FLYWCH1: variants seen among roughly 807,000 people sequenced by gnomAD.
FLYWCH1 encodes FLYWCH-type zinc finger-containing protein 1.
In FLYWCH1, 75 loss-of-function variants were observed where a neutral mutation model predicts 66.4. The ratio of observed to expected loss-of-function variants is 1.13; its 90% CI spans 0.94 to 1.37. FLYWCH1 has a LOEUF of 1.37. Among genes scored for constraint, FLYWCH1 ranks in the 40% most tolerant of loss-of-function variants. The pLI is 0.00. For synonymous variants in FLYWCH1, 595 were observed against 429.9 expected (o/e 1.38, Z -4.75); for missense variants, 1,334 against 1,001.8 (o/e 1.33, Z -4.48).
chr16:2,938,567 C>T, intron 8 of FLYWCH1, 111 bp downstream of exon 8: 1 of 830,844 alleles, frequency 1.2e-6, no homozygotes, highest in South Asian at 2.7e-5. Flanking sequence ...TTTGTGCACA[C>T]ACAAATTATT....
At position 2,948,793 on chromosome 16, in the gene FLYWCH1, C is replaced by A; in HGVS notation, c.*66C>A. The A allele has an allele frequency of 7.0e-7, 1 of 1,431,594 alleles. No individual in the cohort carries two copies. Among genetic ancestry groups the A allele is most frequent in the Non-Finnish European group, 9.8e-7 (1 of 1,016,218 alleles). 88.7% of individuals were successfully genotyped at this position (1,431,594 alleles called of 1,614,324 possible). On this transcript the variant is annotated 3_prime_UTR_variant, in exon 10 of 10. Coordinates refer to ENST00000253928, the MANE Select transcript of FLYWCH1 (RefSeq NM_001308068.2). ...TGGCTTCACATCCACACAGGCACTT[C>A]CCATCCACCTAGGTTTGGCTTAGCA...
At chr16:2,940,125 C>G (rs756158518) in intron 9 of FLYWCH1, 33 bp downstream of exon 9, 2 of 981,370 alleles carry the variant, frequency 2.0e-6, no homozygotes, top group South Asian at 2.7e-5. Context: ...GGTGCATGAC[C>G]AATTACAACA....
At chr16:2,929,231 G>A (rs1052351494) in intron 2 of FLYWCH1, among the ~76,000 whole-genome samples, 10 of 152,120 alleles carry the variant, frequency 6.6e-5, no homozygotes, top group African/African-American at 1.7e-4. Context: ...CACTATCCTC[G>A]TCTATAACTG....
intron 2 of FLYWCH1, among the ~76,000 whole-genome samples, chr16:2,915,987 C>G (rs964770152): frequency 2.0e-5 from 3 of 152,076 alleles, no homozygotes; most frequent in South Asian, 2.1e-4. Context: ...AGTACTGATT[C>G]ACCAGATAAG....
chr16:2,927,206 T>C (rs2070599390), intron 2 of FLYWCH1, among the ~76,000 whole-genome samples: 1 of 152,130 alleles, frequency 6.6e-6, no homozygotes, highest in Non-Finnish European at 1.5e-5. Flanking sequence ...AGCCGCCCAC[T>C]ATGAGACTTA....
chr16:2,947,500 C>G (rs906546266), intron 9 of FLYWCH1, among the ~76,000 whole-genome samples: 3 of 152,186 alleles, frequency 2.0e-5, no homozygotes, highest in Non-Finnish European at 4.4e-5. Context: ...GTGGCTCACG[C>G]CAGTCATGCC....
intron 9 of FLYWCH1, among the ~76,000 whole-genome samples, chr16:2,941,570 AT>A (rs1347425378): frequency 3.3e-5 from 5 of 151,154 alleles, no homozygotes; most frequent in East Asian, 2.0e-4. Flanking sequence ...ACAGAGCAAG[AT>A]CCCATCTCTA....
chr16:2,941,946 G>A (rs28862608), intron 9 of FLYWCH1, among the ~76,000 whole-genome samples: 34,873 of 128,474 alleles, frequency 0.27, 5,560 homozygotes, highest in East Asian at 0.47. Context: ...GCAGTGAGTC[G>A]AGATTGCGCC....
At chr16:2,925,822 C>T (rs889158296) in intron 2 of FLYWCH1, among the ~76,000 whole-genome samples, 2 of 152,116 alleles carry the variant, frequency 1.3e-5, no homozygotes, top group Non-Finnish European at 2.9e-5. Context: ...AGTTAAGGAG[C>T]CGCTCCCCTC....
chr16:2,930,783 G>A lies in FLYWCH1; in HGVS notation c.699G>A (p.Gly233=). The change falls in exon 4 of 10, where the codon GGG becomes GGA. Residue 233 remains glycine, a synonymous_variant. Coordinates refer to ENST00000253928, the MANE Select transcript of FLYWCH1 (RefSeq NM_001308068.2). ...CTGAGGAGCCCGAGCCCACTCCTGG[G>A]CTGGTGCTGAGCAAGCCGGCCCTGG... is the stretch of plus-strand genomic sequence containing the variant. The part of the protein sequence containing the change: ...QCPEEPEPTP[G]LVLSKPALEE... 6.3e-7 allele frequency: 1 copy of A among 1,590,642 alleles called. No individual in the cohort carries two copies. Among genetic ancestry groups the A allele is most frequent in the Non-Finnish European group, 8.5e-7 (1 of 1,173,320 alleles).
intron 4 of FLYWCH1, 90 bp from the exon 5 acceptor site, chr16:2,933,040 G>T: frequency 8.7e-7 from 1 of 1,151,832 alleles, no homozygotes; most frequent in African/African-American, 1.6e-5. Flanking sequence ...AAGGAGAAAG[G>T]CTCGTGTCAG....
chr16:2,916,216 G>A (rs142751960), intron 2 of FLYWCH1, among the ~76,000 whole-genome samples: 19 of 152,220 alleles, frequency 1.2e-4, no homozygotes, highest in Middle Eastern at 3.4e-3. Context: ...GTGTTGGTGC[G>A]TGCCTGTAAT....
chr16:2,930,946 C>A, intron 4 of FLYWCH1, 66 bp downstream of exon 4: 1 of 1,264,794 alleles, frequency 7.9e-7, no homozygotes, highest in Non-Finnish European at 1.1e-6. Flanking sequence ...CTTCCTCAGC[C>A]CAAATAGAAA....
Position 2,933,454 on chromosome 16 carries a change from A to C in FLYWCH1, c.1121A>C (p.Tyr374Ser). The C allele has an allele frequency of 6.2e-7, 1 of 1,601,546 alleles. No homozygotes were observed. Among genetic ancestry groups the C allele is most frequent in the Non-Finnish European group, 8.5e-7 (1 of 1,174,948 alleles). The part of the protein sequence containing the change: ...TLLRGVDSLL[Y>S]RRGPGPLTLT... Reference sequence around the variant, plus strand: ...CTCCGAGGCGTGGATAGTTTGCTCTACCGCAGGGGTCCGGGTCCCCTGACT... The same window carrying C: ...CTCCGAGGCGTGGATAGTTTGCTCTCCCGCAGGGGTCCGGGTCCCCTGACT... The change falls in exon 5 of 10, where the codon TAC becomes TCC. Residue 374 changes from tyrosine (Y) to serine (S), a missense_variant. By Grantham distance (144) the Tyr-to-Ser change is moderately radical (BLOSUM62 -2). Coordinates refer to ENST00000253928, the MANE Select transcript of FLYWCH1 (RefSeq NM_001308068.2).
chr16:2,933,033 G>T, intron 4 of FLYWCH1, 97 bp from the exon 5 acceptor site: 1 of 1,091,002 alleles, frequency 9.2e-7, no homozygotes, highest in South Asian at 1.6e-5. Context: ...AGCCTTAAAG[G>T]AGAAAGGCTC....
intron 9 of FLYWCH1, among the ~76,000 whole-genome samples, chr16:2,942,204 G>A (rs187798917): frequency 6.6e-6 from 1 of 152,086 alleles, no homozygotes. Flanking sequence ...CATTCTGGCA[G>A]AGTCTCATTC....
chr16:2,937,367 C>T lies in FLYWCH1; in HGVS notation c.1760C>T (p.Ala587Val), dbSNP rs773658909. ...LRQREHFPNL[A>V]QWDSPDPLRP... ...CAGCGGGAGCACTTCCCCAACCTGG[C>T]GCAGTGGGACAGCCCAGGTGCGTGT... The change falls in exon 7 of 10, where the codon GCG becomes GTG. Residue 587 changes from alanine (A) to valine (V), a missense_variant. Physicochemically the swap from Ala to Val is moderately conservative, Grantham distance 64 (BLOSUM62 0). Coordinates refer to ENST00000253928, the MANE Select transcript of FLYWCH1 (RefSeq NM_001308068.2). 84 of 1,576,360 alleles carry T rather than the reference C, an allele frequency of 5.3e-5. No homozygotes were observed. Among genetic ancestry groups the T allele is most frequent in the Middle Eastern group, 2.1e-4 (1 of 4,850 alleles).
chr16:2,920,860 T>TC lies in FLYWCH1; in HGVS notation c.-74+6571_-74+6572insC, dbSNP rs2070347027. On this transcript the variant is annotated intron_variant, in intron 2 of 9. Coordinates refer to ENST00000253928, the MANE Select transcript of FLYWCH1 (RefSeq NM_001308068.2). ...CTGGCCTTTTTTTTTTTTTTTTTTT[T>TC]TGAGACAGTCTCACTCTGTCGCCCA... is the stretch of plus-strand genomic sequence containing the variant. 6.3e-5 allele frequency among the ~76,000 whole-genome samples: 9 copies of TC among 143,996 alleles called. No homozygotes were observed. The South Asian group carries it at 1.8e-3, about 29-fold the overall frequency. The allele number at this position is 143,996 out of a possible 152,430, so 94.5% of individuals were successfully genotyped here.
At chr16:2,938,018 G>A (rs930855371) in intron 7 of FLYWCH1, among the ~76,000 whole-genome samples, 166 bp from the exon 8 acceptor site, 2 of 152,188 alleles carry the variant, frequency 1.3e-5, no homozygotes, top group African/African-American at 4.8e-5. Context: ...GCCAGCGTGG[G>A]AGTCTGGGCT....
Sources: allele counts gnomAD v4.1 joint callset (sites outside exome capture counted in the v4.1 genomes callset), GRCh38; gene constraint gnomAD v4.1.1; transcripts MANE v1.5; gene names NCBI Gene and HGNC (gene_info 2026-07-23, HGNC 2026-07-21).